Variants in ANTXR1 observed in about 807,000 individuals in gnomAD.
ANTXR1 encodes the protein ANTXR cell adhesion molecule 1, also known as anthrax toxin receptor 1.
ANTXR1 carries 19 observed loss-of-function variants against 78.1 expected under a neutral mutation model. That is an observed-to-expected ratio of 0.24 (90% CI 0.17 to 0.36). The LOEUF (loss-of-function observed/expected upper bound fraction) is 0.36. Ranked by LOEUF, ANTXR1 falls within the 10% of genes least tolerant of loss-of-function variation. ANTXR1 has a pLI of 1.00. For synonymous variants in ANTXR1, 273 were observed against 260.5 expected (o/e 1.05, Z -0.46); for missense variants, 518 against 718.6 (o/e 0.72, Z 3.19).
chr2:69,207,693 A>G (rs1210894469), intron 17 of ANTXR1, among the ~76,000 whole-genome samples: 1 of 152,078 alleles, frequency 6.6e-6, no homozygotes, highest in Non-Finnish European at 1.5e-5. Context: ...TTCTCGGCCA[A>G]TTTGCCAACT....
chr2:69,240,222 C>T (rs538148537), intron 17 of ANTXR1, among the ~76,000 whole-genome samples: 1 of 152,338 alleles, frequency 6.6e-6, no homozygotes, highest in East Asian at 1.9e-4. Flanking sequence ...TTGTTGAGTG[C>T]CAACTTGAAT....
intron 17 of ANTXR1, among the ~76,000 whole-genome samples, chr2:69,218,605 T>C (rs150992012): frequency 2.7e-4 from 41 of 152,312 alleles, no homozygotes; most frequent in African/African-American, 9.9e-4. Context: ...TCTGCCACAT[T>C]CCTTCTTCCT....
intron 13 of ANTXR1, among the ~76,000 whole-genome samples, chr2:69,157,888 C>G (rs1558608192): frequency 1.3e-5 from 2 of 152,312 alleles, no homozygotes; most frequent in East Asian, 3.9e-4. Context: ...CACTACCCTG[C>G]CTAGAATTCT....
At chr2:69,224,279 G>A (rs1424537911) in intron 17 of ANTXR1, among the ~76,000 whole-genome samples, 1 of 152,206 alleles carries the variant, frequency 6.6e-6, no homozygotes, top group Non-Finnish European at 1.5e-5. Context: ...CAGAAGTAAT[G>A]TTCATGTAAC....
intron 17 of ANTXR1, among the ~76,000 whole-genome samples, chr2:69,235,899 G>A (rs190122529): frequency 6.6e-6 from 1 of 152,202 alleles, no homozygotes; most frequent in Admixed American, 6.5e-5. Context: ...AGTTCTGTAT[G>A]GCTGGGGAGG....
intron 1 of ANTXR1, among the ~76,000 whole-genome samples, chr2:69,023,910 T>C (rs1008353291): frequency 2.0e-5 from 3 of 152,214 alleles, no homozygotes; most frequent in Non-Finnish European, 4.4e-5. Flanking sequence ...AACTAACACA[T>C]ACTCTTTGTA....
At chr2:69,089,716 TCA>T (rs926902764) in intron 8 of ANTXR1, among the ~76,000 whole-genome samples, 3 of 152,254 alleles carry the variant, frequency 2.0e-5, no homozygotes, top group African/African-American at 7.2e-5. Context: ...CTTTCTTCTT[TCA>T]CAGACTTTAA....
At chr2:69,152,476 A>G (rs973788047) in intron 13 of ANTXR1, among the ~76,000 whole-genome samples, 1 of 152,194 alleles carries the variant, frequency 6.6e-6, no homozygotes, top group African/African-American at 2.4e-5. Flanking sequence ...GAGATTGCCA[A>G]TGGCCGTGCC....
rs554711785 is a variant in ANTXR1, at chr2:69,149,213, C to T, written c.952-2956C>T. On this transcript the variant is annotated intron_variant, in intron 12 of 17. Coordinates refer to ENST00000303714, the MANE Select transcript of ANTXR1 (RefSeq NM_032208.3). ...ATTTCCACCCACCAGGACCCCCTTTCCTGCACCTCTCCCCTTCCTGAGCCC... is the reference window on the plus strand; with the variant it reads ...ATTTCCACCCACCAGGACCCCCTTTTCTGCACCTCTCCCCTTCCTGAGCCC... 2.6e-5 allele frequency among the ~76,000 whole-genome samples: 4 copies of T among 152,312 alleles called. No individual in the cohort carries two copies. In the East Asian group the frequency reaches 7.7e-4, roughly 29 times the overall value.
At chr2:69,234,952 A>G (rs944050674) in intron 17 of ANTXR1, among the ~76,000 whole-genome samples, 2 of 150,148 alleles carry the variant, frequency 1.3e-5, no homozygotes, top group African/African-American at 4.9e-5. Context: ...TTCTATAAAC[A>G]TTCTATAAAC....
chr2:69,180,856 G>A (rs1674256214), intron 14 of ANTXR1, among the ~76,000 whole-genome samples: 1 of 152,192 alleles, frequency 6.6e-6, no homozygotes, highest in Non-Finnish European at 1.5e-5. Context: ...GAAATTTCCA[G>A]GGGAGGTTTC....
intron 14 of ANTXR1, chr2:69,172,281 C>A: frequency 8.8e-7 from 1 of 1,137,892 alleles, no homozygotes; most frequent in Admixed American, 1.8e-5. Flanking sequence ...GCATCAGGCG[C>A]TTTTTGGCAT....
chr2:69,103,750 A>G (rs1318123185), intron 10 of ANTXR1: 1 of 155,910 alleles, frequency 6.4e-6, no homozygotes, highest in Non-Finnish European at 1.4e-5. Flanking sequence ...TCACACAGAT[A>G]ATTATTTATT....
At chr2:69,102,979 G>C (rs1350711973) in intron 10 of ANTXR1, 39 bp downstream of exon 10, 12 of 1,590,698 alleles carry the variant, frequency 7.5e-6, no homozygotes, top group Non-Finnish European at 1.0e-5. Context: ...TTCGACAAGT[G>C]GCTTCAAGGA....
At chr2:69,232,551 A>G (rs374920393) in intron 17 of ANTXR1, among the ~76,000 whole-genome samples, 4 of 151,810 alleles carry the variant, frequency 2.6e-5, no homozygotes, top group African/African-American at 4.8e-5. Context: ...ATAAATTACT[A>G]TTCAGTCCAA....
chr2:69,120,350 C>T (rs1309930482), intron 10 of ANTXR1, among the ~76,000 whole-genome samples: 1 of 152,124 alleles, frequency 6.6e-6, no homozygotes, highest in Non-Finnish European at 1.5e-5. Flanking sequence ...TTATCATCAC[C>T]GATGGAAGGA....
intron 9 of ANTXR1, among the ~76,000 whole-genome samples, chr2:69,098,983 C>CTAAATAAATAAA (rs56154212): frequency 0.39 from 58,505 of 151,602 alleles, 11,872 homozygotes; most frequent in Admixed American, 0.48. Context: ...GAGACTGCGT[C>CTAAATAAATAAA]TAAATAAATA....
At chr2:69,153,515 T>C (rs907969540) in intron 13 of ANTXR1, among the ~76,000 whole-genome samples, 3 of 152,164 alleles carry the variant, frequency 2.0e-5, no homozygotes, top group Non-Finnish European at 4.4e-5. Flanking sequence ...ATTAGGACCC[T>C]GCAGGCTGGG....
Position 69,177,750 on chromosome 2 carries a change from G to A in ANTXR1, c.1090-4036G>A, listed in dbSNP as rs995308529. Reference sequence around the variant, plus strand: ...AACTGCGCAGCAAATTTTACTGAAGGTTTAAAAGTATAGTGCAGCCCACAA... The same window carrying A: ...AACTGCGCAGCAAATTTTACTGAAGATTTAAAAGTATAGTGCAGCCCACAA... On this transcript the variant is annotated intron_variant, in intron 14 of 17. Coordinates refer to ENST00000303714, the MANE Select transcript of ANTXR1 (RefSeq NM_032208.3). 3.9e-5 allele frequency among the ~76,000 whole-genome samples: 6 copies of A among 152,078 alleles called. No individual in the cohort carries two copies. The South Asian group carries it at 1.2e-3, about 32-fold the overall frequency.
Sources: gnomAD v4.1 joint callset for allele counts (sites outside exome capture counted in the v4.1 genomes callset) on GRCh38, gnomAD v4.1.1 for gene constraint, MANE v1.5 for transcripts, NCBI Gene and HGNC (gene_info 2026-07-23, HGNC 2026-07-21) for gene names.